The following ATXN10 variants were observed in gnomAD, a reference collection of about 807,000 sequenced individuals.
ATXN10 encodes the protein ataxin 10.
A neutral mutation model predicts 52.9 loss-of-function variants in ATXN10; 28 were observed. The observed-to-expected ratio is 0.53, with a 90% CI of 0.39 to 0.73. The LOEUF (loss-of-function observed/expected upper bound fraction) is 0.73. ATXN10 is among the 30% of genes least tolerant of loss of function. The probability of loss-of-function intolerance (pLI) is 0.00; values close to 1 mark genes in which losing one functional copy is unlikely to be tolerated. For missense variants in ATXN10, 565 were observed against 577.0 expected (o/e 0.98, Z 0.21); for synonymous variants, 226 against 221.5 (o/e 1.02, Z -0.18).
chr22:45,839,180 A>C (rs1432893475), intron 10 of ATXN10, among the ~76,000 whole-genome samples: 1 of 152,210 alleles, frequency 6.6e-6, no homozygotes, highest in Non-Finnish European at 1.5e-5. Context: ...CGTGAAAGGG[A>C]GTTGACTCCA....
In ATXN10 at chr22:45,769,301, C is replaced by T. The variant is rs1408996371; in HGVS notation, c.1173+28763C>T. 1.3e-5 allele frequency among the ~76,000 whole-genome samples: 2 copies of T among 152,078 alleles called. No individual in the cohort carries two copies. The highest frequency in any genetic ancestry group is 4.8e-5 in the African/African-American group (2 of 41,392). On this transcript the variant is annotated intron_variant, in intron 9 of 11. Coordinates refer to ENST00000252934, the MANE Select transcript of ATXN10 (RefSeq NM_013236.4). This position sits in a 1 kb window ranked among gnomAD's most constrained non-coding sequence, Gnocchi z 4.2. ...CGCCGTTCATCCCCTCTCCCCCATA[C>T]AGACACATTTTTGTTGTTATATTCA...
chr22:45,835,315 G>T lies in ATXN10; in HGVS notation c.1238-7676G>T, dbSNP rs1308895256. ...ACATCTGGGACTGGTGAGGGATGGAGAGTACACGCCCAGCAAGGCCTGGAC... is the reference window on the plus strand; with the variant it reads ...ACATCTGGGACTGGTGAGGGATGGATAGTACACGCCCAGCAAGGCCTGGAC... On this transcript the variant is annotated intron_variant, in intron 10 of 11. Transcript: ENST00000252934. The surrounding 1 kb of genome is among the most constrained non-coding windows in gnomAD (Gnocchi z 5.0). Among the ~76,000 whole-genome samples the T allele has an allele frequency of 3.3e-5, 5 of 152,230 alleles. No individual in the cohort carries two copies. The highest frequency in any genetic ancestry group is 5.9e-5 in the Non-Finnish European group (4 of 68,038).
Position 45,843,840 on chromosome 22 carries a change from T to G in ATXN10, c.*169T>G, listed in dbSNP as rs998995946. The G allele has an allele frequency of 1.1e-5, 7 of 665,434 alleles. No homozygotes were observed. Among genetic ancestry groups the G allele is most frequent in the Non-Finnish European group, 1.6e-5 (6 of 381,234 alleles). The allele number at this position is 665,434 out of a possible 1,614,324, so 41.2% of individuals were successfully genotyped here. A position where few individuals can be genotyped will look rare whatever the true frequency, so the allele number is the denominator to read the frequency against. On this transcript the variant is annotated 3_prime_UTR_variant, in exon 12 of 12. Transcript: ENST00000252934. The surrounding 1 kb of genome is among the most constrained non-coding windows in gnomAD (Gnocchi z 4.5). ...TGTATAAGCTAAAAGTGAAAGTAAC[T>G]GAGTGTTCTCTTGTTTCTTTGCATT...
intron 10 of ATXN10, among the ~76,000 whole-genome samples, chr22:45,817,343 AAGAC>A: frequency 8.6e-6 from 1 of 115,764 alleles, no homozygotes; most frequent in Non-Finnish European, 1.9e-5. Flanking sequence ...TTTTTTTTTT[AAGAC>A]AGAGTCTCAC....
At position 45,786,140 on chromosome 22, in the gene ATXN10, A is replaced by G. The variant is rs1418437627; in HGVS notation, c.1174-20819A>G. On this transcript the variant is annotated intron_variant, in intron 9 of 11. Coordinates refer to ENST00000252934, the MANE Select transcript of ATXN10 (RefSeq NM_013236.4). The surrounding 1 kb of genome is among the most constrained non-coding windows in gnomAD (Gnocchi z 4.1). ...GATGTGAATGTTTGCTAAAGAAAAG[A>G]TAGTTGCTAATTTTTCTGGAATTTG... 1.3e-5 allele frequency among the ~76,000 whole-genome samples: 2 copies of G among 152,236 alleles called. No homozygotes were observed. Among genetic ancestry groups the G allele is most frequent in the African/African-American group, 2.4e-5 (1 of 41,474 alleles).
chr22:45,818,939 G>A lies in ATXN10; in HGVS notation c.1237+11917G>A, dbSNP rs1928556614. ...CCTGACCTTGGTGCACTGTGTCTCT[G>A]GCTTCTTTGCATGCCTAAAACTTGC... On this transcript the variant is annotated intron_variant, in intron 10 of 11. Coordinates refer to ENST00000252934, the MANE Select transcript of ATXN10 (RefSeq NM_013236.4). This position sits in a 1 kb window ranked among gnomAD's most constrained non-coding sequence, Gnocchi z 4.6. 6.6e-6 allele frequency among the ~76,000 whole-genome samples: 1 copy of A among 152,124 alleles called. No individual in the cohort carries two copies. The highest frequency in any genetic ancestry group is 1.5e-5 in the Non-Finnish European group (1 of 68,036).
intron 9 of ATXN10, among the ~76,000 whole-genome samples, chr22:45,752,494 G>A (rs1926013149): frequency 6.6e-6 from 1 of 150,914 alleles, no homozygotes; most frequent in East Asian, 2.0e-4. Flanking sequence ...CAGGCAGTGG[G>A]TGAGCAGGTG....
At chr22:45,680,630 T>A (rs775777113) in intron 1 of ATXN10, among the ~76,000 whole-genome samples, 124 of 128,854 alleles carry the variant, frequency 9.6e-4, no homozygotes, top group East Asian at 1.8e-3. Context: ...TAATTAAAAA[T>A]TTTTTTTTTT....
At position 45,695,751 on chromosome 22, in the gene ATXN10, C is replaced by CA. The variant is rs373623544; in HGVS notation, c.391+2676dup. ...TCATAATCTACCCACCTCGGCCTCT[C>CA]AAAGTGCTGGGATTACAGGCATGAA... On this transcript the variant is annotated intron_variant, in intron 3 of 11. Transcript: ENST00000252934. Among the ~76,000 whole-genome samples, 1,155 of 152,190 alleles carry CA rather than the reference C, an allele frequency of 7.6e-3. 19 individuals carry two copies. Among genetic ancestry groups the CA allele is most frequent in the African/African-American group, 0.027 (1,104 of 41,498 alleles).
rs1926478491 is a variant in ATXN10 at position 45,763,663 on chromosome 22, A to G, written c.1173+23125A>G. Among the ~76,000 whole-genome samples, 1 of 151,056 alleles carries G rather than the reference A, an allele frequency of 6.6e-6. No individual in the cohort carries two copies. The highest frequency in any genetic ancestry group is 6.6e-5 in the Admixed American group (1 of 15,214). On this transcript the variant is annotated intron_variant, in intron 9 of 11. Transcript: ENST00000252934. This position sits in a 1 kb window ranked among gnomAD's most constrained non-coding sequence, Gnocchi z 6.9. ...CTCTTGCCTTTTTCTCTGTTCCTTC[A>G]CTGCCACAGGTCAGACTGTCTTCAT... is the stretch of plus-strand genomic sequence containing the variant.
chr22:45,682,061 TC>T (rs1167176731), intron 1 of ATXN10, among the ~76,000 whole-genome samples: 1 of 152,002 alleles, frequency 6.6e-6, no homozygotes, highest in Non-Finnish European at 1.5e-5. Context: ...TCTTCTTCTC[TC>T]CCCCCTTAAA....
chr22:45,745,089 A>G (rs902351721), intron 9 of ATXN10, among the ~76,000 whole-genome samples: 2 of 152,196 alleles, frequency 1.3e-5, no homozygotes, highest in Non-Finnish European at 2.9e-5. Context: ...GTGGACCTAA[A>G]TGGAGATTCT....
chr22:45,795,424 T>TATTGTTTTCTATTC lies in ATXN10; in HGVS notation c.1174-11535_1174-11534insATTGTTTTCTATTC, dbSNP rs1555896219. 2.0e-5 allele frequency among the ~76,000 whole-genome samples: 3 copies of TATTGTTTTCTATTC among 147,458 alleles called. No individual in the cohort carries two copies. The highest frequency in any genetic ancestry group is 2.1e-4 in the South Asian group (1 of 4,678). On this transcript the variant is annotated intron_variant, in intron 9 of 11. Transcript: ENST00000252934. The surrounding 1 kb of genome is among the most constrained non-coding windows in gnomAD (Gnocchi z 4.6). ...TATTCTATTCTATTCTATTCTATTCTTTTTGAGATGAAGTCTCTCTATGTT... is the reference window on the plus strand; with the variant it reads ...TATTCTATTCTATTCTATTCTATTCTATTGTTTTCTATTCTTTTGAGATGAAGTCTCTCTATGTT...
intron 6 of ATXN10, among the ~76,000 whole-genome samples, chr22:45,719,850 A>G (rs77961366): frequency 0.087 from 13,170 of 152,060 alleles, 704 homozygotes; most frequent in Middle Eastern, 0.16. Flanking sequence ...TCATTCATTC[A>G]TCGTGTTGTG....
intron 6 of ATXN10, among the ~76,000 whole-genome samples, chr22:45,721,610 T>G (rs1924653774): frequency 6.6e-6 from 1 of 152,196 alleles, no homozygotes; most frequent in South Asian, 2.1e-4. Flanking sequence ...ATGCTCTTAC[T>G]ACTATTACTG....
intron 9 of ATXN10, among the ~76,000 whole-genome samples, chr22:45,777,340 T>C (rs1461296390): frequency 6.6e-6 from 1 of 152,252 alleles, no homozygotes; most frequent in Non-Finnish European, 1.5e-5. Flanking sequence ...GATGATGGAA[T>C]ATTTCATGTT....
Position 45,718,571 on chromosome 22 carries a change from G to A in ATXN10, c.728+78G>A. On this transcript the variant is annotated intron_variant, in intron 6 of 11. Transcript: ENST00000252934. The surrounding 1 kb of genome is among the most constrained non-coding windows in gnomAD (Gnocchi z 4.4). ...TCGATGCACGTGACTGAAAAGCTGT[G>A]TGGTTTCTGAGTTGGCACAGAATCT... 1 of 1,295,318 alleles carries A rather than the reference G, an allele frequency of 7.7e-7. No individual in the cohort carries two copies. Among genetic ancestry groups the A allele is most frequent in the Non-Finnish European group, 1.1e-6 (1 of 890,228 alleles). 80.2% of individuals were successfully genotyped at this position (1,295,318 alleles called of 1,614,324 possible).
In ATXN10 at chr22:45,818,582, G is replaced by A. The variant is rs753361626; in HGVS notation, c.1237+11560G>A. On this transcript the variant is annotated intron_variant, in intron 10 of 11. Transcript: ENST00000252934. The surrounding 1 kb of genome is among the most constrained non-coding windows in gnomAD (Gnocchi z 4.6). ...TTTTGGTTTGAAGGTGACCACCCTC[G>A]CTTTCAGCGGACCGGGGCAGGGATC... Among the ~76,000 whole-genome samples, 4 of 152,150 alleles carry A rather than the reference G, an allele frequency of 2.6e-5. No individual in the cohort carries two copies. Among genetic ancestry groups the A allele is most frequent in the African/African-American group, 4.8e-5 (2 of 41,436 alleles).
chr22:45,823,351 G>T lies in ATXN10; in HGVS notation c.1237+16329G>T. The T allele has an allele frequency of 3.0e-6, 1 of 328,166 alleles. No homozygotes were observed. Among genetic ancestry groups the T allele is most frequent in the Non-Finnish European group, 6.1e-6 (1 of 163,316 alleles). 20.3% of individuals were successfully genotyped at this position (328,166 alleles called of 1,614,324 possible). The stretch of plus-strand genomic sequence containing the variant: ...CTGAGGTCATAAAAGTATGCTAAAG[G>T]CTTTACAGTTTTGCCTTCTATCTGG... On this transcript the variant is annotated intron_variant, in intron 10 of 11. Coordinates refer to ENST00000252934, the MANE Select transcript of ATXN10 (RefSeq NM_013236.4). The surrounding 1 kb of genome is among the most constrained non-coding windows in gnomAD (Gnocchi z 4.9).
Sources: allele counts gnomAD v4.1 joint callset (sites outside exome capture counted in the v4.1 genomes callset), GRCh38; gene constraint gnomAD v4.1.1; non-coding constraint Gnocchi (gnomAD v3.1); transcripts MANE v1.5; gene names NCBI Gene and HGNC (gene_info 2026-07-23, HGNC 2026-07-21).